Variants in ZNF804A observed in about 807,000 individuals in gnomAD.
ZNF804A encodes the protein zinc finger protein 804A.
In ZNF804A, 2 loss-of-function variants were observed where a neutral mutation model predicts 16.5. The observed-to-expected ratio is 0.12, with a 90% confidence interval of 0.05 to 0.38. ZNF804A has a LOEUF of 0.38. Among genes scored for constraint, ZNF804A ranks in the 10% least tolerant of loss-of-function variants. The probability of loss-of-function intolerance (pLI) is 0.99; values close to 1 mark genes in which losing one functional copy is unlikely to be tolerated. For missense variants in ZNF804A, 1,473 were observed against 1,390.7 expected, an observed-to-expected ratio of 1.06 and a Z score of -0.94; for synonymous variants, 534 against 489.6, an observed-to-expected ratio of 1.09 and a Z score of -1.20.
intron 1 of ZNF804A, among the ~76,000 whole-genome samples, chr2:184,633,932 A>G (rs1691654087): frequency 6.6e-6 from 1 of 152,118 alleles, no homozygotes; most frequent in Non-Finnish European, 1.5e-5. Flanking sequence ...GTTGGTTAAG[A>G]CTTTTTTCTT....
chr2:184,677,219 T>C (rs936340010), intron 1 of ZNF804A, among the ~76,000 whole-genome samples: 3 of 151,970 alleles, frequency 2.0e-5, no homozygotes, highest in Non-Finnish European at 4.4e-5. Flanking sequence ...AGGTTTCAGG[T>C]AGTTGATTCA....
At chr2:184,795,338 A>G (rs1013348134) in intron 1 of ZNF804A, among the ~76,000 whole-genome samples, 1 of 152,146 alleles carries the variant, frequency 6.6e-6, no homozygotes, top group African/African-American at 2.4e-5. Context: ...CAGAAACAAA[A>G]TCAAGGTGGA....
intron 1 of ZNF804A, among the ~76,000 whole-genome samples, chr2:184,680,374 G>T (rs900469876): frequency 2.0e-5 from 3 of 152,106 alleles, no homozygotes; most frequent in Non-Finnish European, 4.4e-5. Flanking sequence ...CTTGCCTGTG[G>T]AGAGGAACTA....
intron 2 of ZNF804A, among the ~76,000 whole-genome samples, chr2:184,876,888 A>C (rs1207806553): frequency 1.3e-5 from 2 of 152,136 alleles, no homozygotes; most frequent in Non-Finnish European, 2.9e-5. Flanking sequence ...CCCCACCAAA[A>C]GAAAAAAGAA....
At chr2:184,755,231 G>A (rs1367048446) in intron 1 of ZNF804A, among the ~76,000 whole-genome samples, 5 of 151,876 alleles carry the variant, frequency 3.3e-5, no homozygotes, top group Admixed American at 1.3e-4. Context: ...ATTCGTGAGC[G>A]TGTTTGATGG....
intron 2 of ZNF804A, among the ~76,000 whole-genome samples, chr2:184,923,371 G>A (rs1364979964): frequency 6.6e-6 from 1 of 151,840 alleles, no homozygotes; most frequent in African/African-American, 2.4e-5. Flanking sequence ...ATATAAAATT[G>A]CTACTGATTT....
intron 1 of ZNF804A, among the ~76,000 whole-genome samples, chr2:184,822,704 T>C (rs1386845177): frequency 6.6e-6 from 1 of 152,072 alleles, no homozygotes. Context: ...AATGGTGAAT[T>C]CCATTTTGTT....
chr2:184,868,190 C>A (rs1346823093), intron 2 of ZNF804A, among the ~76,000 whole-genome samples: 1 of 152,026 alleles, frequency 6.6e-6, no homozygotes, highest in East Asian at 1.9e-4. Context: ...TCAAAATACT[C>A]ATAAACTCTG....
chr2:184,688,298 T>G (rs1303751272), intron 1 of ZNF804A, among the ~76,000 whole-genome samples: 4 of 151,950 alleles, frequency 2.6e-5, no homozygotes, highest in East Asian at 3.9e-4. Context: ...TAGGCAAAAT[T>G]TATGTATCAT....
chr2:184,787,997 C>T (rs1024886645), intron 1 of ZNF804A, among the ~76,000 whole-genome samples: 2 of 151,626 alleles, frequency 1.3e-5, no homozygotes, highest in African/African-American at 4.8e-5. Flanking sequence ...GGCCTTTAAT[C>T]CTTCTTGAAT....
intron 1 of ZNF804A, among the ~76,000 whole-genome samples, chr2:184,799,662 C>T (rs1464368473): frequency 2.0e-5 from 3 of 152,058 alleles, no homozygotes; most frequent in Non-Finnish European, 4.4e-5. Context: ...TAGCTGGAAC[C>T]ACAGGCACAC....
chr2:184,832,300 A>G (rs1212582731), intron 1 of ZNF804A, among the ~76,000 whole-genome samples: 2 of 152,028 alleles, frequency 1.3e-5, no homozygotes, highest in African/African-American at 4.8e-5. Context: ...ATGCTGACTT[A>G]TATGACTCCT....
At chr2:184,872,721 A>T (rs1387789475) in intron 2 of ZNF804A, among the ~76,000 whole-genome samples, 1 of 152,170 alleles carries the variant, frequency 6.6e-6, no homozygotes, top group African/African-American at 2.4e-5. Flanking sequence ...CTTTTAGTCC[A>T]AATGTCAGTA....
intron 1 of ZNF804A, among the ~76,000 whole-genome samples, chr2:184,730,167 G>A (rs1693489229): frequency 6.6e-6 from 1 of 151,858 alleles, no homozygotes; most frequent in Non-Finnish European, 1.5e-5. Flanking sequence ...TATCCTCTAG[G>A]TAATTGATTA....
intron 1 of ZNF804A, among the ~76,000 whole-genome samples, chr2:184,701,836 T>C (rs1385776178): frequency 1.3e-5 from 2 of 151,966 alleles, no homozygotes; most frequent in Non-Finnish European, 2.9e-5. Context: ...GGCCACTCTA[T>C]GTCACTAAAG....
chr2:184,882,307 G>A (rs1217628644), intron 2 of ZNF804A, among the ~76,000 whole-genome samples: 1 of 151,980 alleles, frequency 6.6e-6, no homozygotes, highest in Non-Finnish European at 1.5e-5. Flanking sequence ...CATAAAGCAA[G>A]TTCCTAAAGA....
intron 1 of ZNF804A, 57 bp downstream of exon 1, chr2:184,599,127 A>T (rs1047804618): frequency 1.5e-6 from 2 of 1,367,950 alleles, no homozygotes; most frequent in Non-Finnish European, 2.1e-6. Context: ...CATTTGGAAG[A>T]TTGAGTTTTT....
intron 1 of ZNF804A, among the ~76,000 whole-genome samples, chr2:184,626,999 G>A (rs1691516862): frequency 6.6e-6 from 1 of 152,084 alleles, no homozygotes; most frequent in African/African-American, 2.4e-5. Flanking sequence ...AGCATCTCGT[G>A]TGGTTCTCTA....
At position 184,938,624 on chromosome 2, in the gene ZNF804A, C is replaced by A; in HGVS notation, c.3228C>A (p.Pro1076=). The part of the protein sequence containing the change: ...KFTFPPAALP[P]PSTPLQPLPL... ...CCTTTCCTCCAGCTGCCCTCCCACCCCCTAGCACACCTCTGCAGCCTTTGC... is the reference window on the plus strand; with the variant it reads ...CCTTTCCTCCAGCTGCCCTCCCACCACCTAGCACACCTCTGCAGCCTTTGC... The change falls in exon 4 of 4, where the codon CCC becomes CCA. Residue 1076 remains proline (P), a synonymous_variant. Coordinates refer to ENST00000302277, the MANE Select transcript of ZNF804A (RefSeq NM_194250.2). 4.3e-6 allele frequency: 7 copies of A among 1,614,002 alleles called. No individual in the cohort carries two copies. The highest frequency in any genetic ancestry group is 5.9e-6 in the Non-Finnish European group (7 of 1,179,978).
Sources: allele counts gnomAD v4.1 joint callset (sites outside exome capture counted in the v4.1 genomes callset), GRCh38; gene constraint gnomAD v4.1.1; transcripts MANE v1.5; gene names NCBI Gene and HGNC (gene_info 2026-07-23, HGNC 2026-07-21).